HAUS7: variants seen among roughly 807,000 people sequenced by gnomAD.
HAUS7 encodes the protein HAUS augmin-like complex subunit 7.
HAUS7 carries 3 observed loss-of-function variants against 28.4 expected under a neutral mutation model. That is an observed-to-expected ratio of 0.11 (90% confidence interval 0.05 to 0.27). HAUS7 has a LOEUF of 0.27. Ranked by LOEUF, HAUS7 falls within the 10% of genes least tolerant of loss-of-function variation. The probability of loss-of-function intolerance (pLI) is 1.00; values close to 1 mark genes in which losing one functional copy is unlikely to be tolerated. For missense variants in HAUS7, 284 were observed against 297.3 expected, an observed-to-expected ratio of 0.96 and a Z score of 0.33; for synonymous variants, 165 against 132.1, an observed-to-expected ratio of 1.25 and a Z score of -1.71.
chrX:153,461,992 G>A (rs1393567698), intron 4 of HAUS7: 7 of 493,646 alleles, frequency 1.4e-5, no homozygotes, highest in Non-Finnish European at 1.8e-5. Flanking sequence ...ACCAGCTGTA[G>A]CCCAACCACC....
At chrX:153,488,512 G>A (rs781799038) in intron 1 of HAUS7, among the ~76,000 whole-genome samples, 4 of 112,972 alleles carry the variant, frequency 3.5e-5, no homozygotes, top group Middle Eastern at 4.7e-3. Flanking sequence ...AGACTGTGGC[G>A]GGGGCGGGAG....
upstream of HAUS7, chrX:153,470,911 A>T: frequency 2.9e-6 from 1 of 347,709 alleles, no homozygotes; most frequent in Non-Finnish European, 5.5e-6. Flanking sequence ...GCTGGCTCTG[A>T]GTCGCAGGCC....
intron 2 of HAUS7, among the ~76,000 whole-genome samples, chrX:153,466,581 G>T (rs782751595): frequency 8.9e-6 from 1 of 112,057 alleles, no homozygotes; most frequent in Admixed American, 9.4e-5. Context: ...CTGACAGGGT[G>T]CGGTCACGTA....
In HAUS7 at chrX:153,454,422, C is replaced by A. The variant is rs143828088; in HGVS notation, c.1017G>T (p.Trp339Cys). The A allele has an allele frequency of 4.3e-5, 51 of 1,194,056 alleles. 1 individual carries two copies. The African/African-American group carries it at 7.5e-4, about 17-fold the overall frequency. Residue 339 changes from tryptophan (W) to cysteine (C), a missense_variant, in exon 9 of 10, where the codon TGG (tryptophan) becomes TGT (cysteine). Trp to Cys is a radical substitution (Grantham distance 215, BLOSUM62 -2). Coordinates refer to ENST00000370211, the MANE Select transcript of HAUS7 (RefSeq NM_001385482.1). ...VKKQQGEQIC[W>C]GGSSSVMSLA... ...GACTCATGACGGAGCTGCTGCCACC[C>A]CAGCAGATCTGCTCGCCTTGCTGCT...
chrX:153,456,780 C>G (rs1441190335), intron 5 of HAUS7, 129 bp from the exon 6 acceptor site: 1 of 533,373 alleles, frequency 1.9e-6, no homozygotes, highest in Non-Finnish European at 3.0e-6. Context: ...AGCCCCACCG[C>G]GCAGAATCCT....
chrX:153,478,384 C>T (rs782010741), intron 1 of HAUS7, among the ~76,000 whole-genome samples: 1 of 112,352 alleles, frequency 8.9e-6, no homozygotes, highest in Non-Finnish European at 1.9e-5. Flanking sequence ...CCCAGCAGTC[C>T]CCTCATCGAG....
At chrX:153,482,693 C>T (rs2089608288) in intron 1 of HAUS7, 8 of 756,221 alleles carry the variant, frequency 1.1e-5, no homozygotes, top group South Asian at 6.7e-5. Context: ...AATGGCTCAC[C>T]GCACCCCTCT....
At chrX:153,461,606 T>C (rs183788540) in intron 4 of HAUS7, 195 of 118,738 alleles carry the variant, frequency 1.6e-3, no homozygotes, top group African/African-American at 6.0e-3. Flanking sequence ...CCAAAGCATA[T>C]ACAGAAATGG....
In HAUS7 at chrX:153,454,416, G is replaced by A; in HGVS notation, c.1023C>T (p.Gly341=). 1 of 1,192,037 alleles carries A rather than the reference G, an allele frequency of 8.4e-7. No individual in the cohort carries two copies. Among genetic ancestry groups the A allele is most frequent in the Non-Finnish European group, 1.1e-6 (1 of 878,897 alleles). ...KQQGEQICWG[G]SSSVMSLATK... ...TACCTAGACTCATGACGGAGCTGCTGCCACCCCAGCAGATCTGCTCGCCTT... is the reference window on the plus strand; with the variant it reads ...TACCTAGACTCATGACGGAGCTGCTACCACCCCAGCAGATCTGCTCGCCTT... Residue 341 remains glycine, a synonymous_variant, in exon 9 of 10, where the codon GGC becomes GGT. Transcript: ENST00000370211.
intron 1 of HAUS7, chrX:153,480,801 G>T: frequency 1.3e-6 from 1 of 755,073 alleles, no homozygotes; most frequent in Admixed American, 8.5e-5. Context: ...CAAGGGCCTG[G>T]TCGCTGAGTG....
At chrX:153,482,851 C>G (rs1166626880) in intron 1 of HAUS7, 7 of 545,992 alleles carry the variant, frequency 1.3e-5, no homozygotes, top group Non-Finnish European at 1.6e-5. Flanking sequence ...CCATCCCACG[C>G]GGCCTGCCGT....
At chrX:153,486,144 G>T in intron 1 of HAUS7, 1 of 833,591 alleles carries the variant, frequency 1.2e-6, no homozygotes, top group African/African-American at 2.1e-5. Flanking sequence ...CTCCACCCCC[G>T]CACCCTGCCA....
At chrX:153,474,368 C>G (rs1569531442), upstream of HAUS7, among the ~76,000 whole-genome samples, 1 of 112,032 alleles carries the variant, frequency 8.9e-6, no homozygotes, top group Non-Finnish European at 1.9e-5. Flanking sequence ...AGAGCACATT[C>G]CGCAGCGCAG....
chrX:153,454,413 G>A lies in HAUS7; in HGVS notation c.1026C>T (p.Ser342=). ...QQGEQICWGG[S]SSVMSLATKM... ...ACGTACCTAGACTCATGACGGAGCT[G>A]CTGCCACCCCAGCAGATCTGCTCGC... The change falls in exon 9 of 10, where the codon AGC becomes AGT. Residue 342 remains serine, a synonymous_variant. Coordinates refer to ENST00000370211, the MANE Select transcript of HAUS7 (RefSeq NM_001385482.1). 1.7e-6 allele frequency: 2 copies of A among 1,191,098 alleles called. No homozygotes were observed. Among genetic ancestry groups the A allele is most frequent in the Non-Finnish European group, 2.3e-6 (2 of 877,472 alleles).
intron 2 of HAUS7, 95 bp from the exon 3 acceptor site, chrX:153,465,150 G>A (rs1002003985): frequency 3.4e-5 from 19 of 559,344 alleles, no homozygotes; most frequent in Middle Eastern, 3.3e-4. Flanking sequence ...TCCTGTGCAC[G>A]TGCTCAACGG....
chrX:153,485,942 C>G, intron 1 of HAUS7: 1 of 970,864 alleles, frequency 1.0e-6, no homozygotes, highest in Non-Finnish European at 1.3e-6. Context: ...CCACAACAGG[C>G]TGCAGGCTGA....
At chrX:153,463,021 AG>A in intron 3 of HAUS7, 1 of 392,144 alleles carries the variant, frequency 2.6e-6, no homozygotes, top group Admixed American at 2.9e-5. Context: ...ACAAGGCCAA[AG>A]CAAATGGACT....
rs138659871 is a variant in HAUS7, at chrX:153,493,725, A to G, written c.-589+1649T>C. Among the ~76,000 whole-genome samples the G allele has an allele frequency of 1.2e-3, 137 of 111,188 alleles. 4 individuals are homozygous for G. The South Asian group carries it at 0.034, about 27-fold the overall frequency. On this transcript the variant is annotated intron_variant, in intron 1 of 5. Coordinates refer to the HAUS7 transcript ENST00000370210. Reference sequence around the variant, plus strand: ...CCAGGCCCTGGGCTGCCGCTGGTGAACAGGAAGGGGGTCTGTGCCCTGCCA... The same window carrying G: ...CCAGGCCCTGGGCTGCCGCTGGTGAGCAGGAAGGGGGTCTGTGCCCTGCCA...
intron 3 of HAUS7, among the ~76,000 whole-genome samples, chrX:153,463,547 G>T (rs1350197306): frequency 8.9e-6 from 1 of 112,322 alleles, no homozygotes; most frequent in East Asian, 2.8e-4. Context: ...CCTCTTCCCC[G>T]GGCACCCTGT....
Sources: allele counts gnomAD v4.1 joint callset (sites outside exome capture counted in the v4.1 genomes callset), GRCh38; gene constraint gnomAD v4.1.1; transcripts MANE v1.5; gene names NCBI Gene and HGNC (gene_info 2026-07-23, HGNC 2026-07-21).